The following CHN2 variants were observed in gnomAD, a reference collection of about 807,000 sequenced individuals.
The protein encoded by CHN2 is beta-chimaerin.
Under a neutral mutation model 56.3 loss-of-function variants are expected in CHN2, and 35 were observed. That is an observed-to-expected ratio of 0.62 (90% CI 0.47 to 0.82). The LOEUF (loss-of-function observed/expected upper bound fraction) is 0.82, where lower values mean the gene tolerates loss of function less well. CHN2 is among the 40% of genes least tolerant of loss of function. The pLI, the probability that CHN2 is intolerant of heterozygous loss-of-function variation, is 0.00. For missense variants in CHN2, 491 were observed against 580.5 expected (o/e 0.85, Z 1.58); for synonymous variants, 210 against 212.8 (o/e 0.99, Z 0.12).
At chr7:29,489,160 T>C (rs1462465780) in intron 7 of CHN2, among the ~76,000 whole-genome samples, 1 of 152,232 alleles carries the variant, frequency 6.6e-6, no homozygotes, top group African/African-American at 2.4e-5. Context: ...GGATGACTCT[T>C]CTTGCTCTTG....
At position 29,264,773 on chromosome 7, in the gene CHN2, C is replaced by A. The variant is rs1258577766; in HGVS notation, c.49+69783C>A. Among the ~76,000 whole-genome samples the A allele has an allele frequency of 6.0e-5, 9 of 151,004 alleles. 1 individual carries two copies. Among genetic ancestry groups the A allele is most frequent in the Non-Finnish European group, 8.8e-5 (6 of 67,896 alleles). The stretch of plus-strand genomic sequence containing the variant: ...CTATTGTCCTATGACCCTGCCAAGT[C>A]CCCCTCTCCGAGAGACACCCGGGGT... On this transcript the variant is annotated intron_variant, in intron 1 of 12. Transcript: ENST00000222792.
At chr7:29,297,705 C>T (rs74682948) in intron 1 of CHN2, among the ~76,000 whole-genome samples, 5,583 of 152,010 alleles carry the variant, frequency 0.037, 148 homozygotes, top group Middle Eastern at 0.085. Flanking sequence ...CTTCTGGGTT[C>T]CCTCCCCACC....
At chr7:29,512,178 A>AG (rs199935530) in intron 12 of CHN2, among the ~76,000 whole-genome samples, 8 of 143,368 alleles carry the variant, frequency 5.6e-5, no homozygotes, top group South Asian at 2.4e-4. Flanking sequence ...AAGCCACAAG[A>AG]GGGAAAAAAA....
chr7:29,398,131 C>A, intron 4 of CHN2: 1 of 324,458 alleles, frequency 3.1e-6, no homozygotes. Flanking sequence ...AAAGCAAAGA[C>A]AATAGCAGAA....
chr7:29,213,239 C>G (rs188581026), intron 1 of CHN2: 1 of 1,043,138 alleles, frequency 9.6e-7, no homozygotes, highest in East Asian at 2.4e-5. Flanking sequence ...TGATATTACT[C>G]AGTTTCACTC....
chr7:29,422,933 C>G (rs906780727), intron 6 of CHN2, among the ~76,000 whole-genome samples: 1 of 152,174 alleles, frequency 6.6e-6, no homozygotes, highest in East Asian at 1.9e-4. Context: ...GAAAAAGCTT[C>G]CATGTTTAGG....
intron 3 of CHN2, among the ~76,000 whole-genome samples, chr7:29,379,814 A>AT (rs1245533097): frequency 1.3e-5 from 2 of 152,216 alleles, no homozygotes; most frequent in Non-Finnish European, 2.9e-5. Context: ...ATGCTCAAGA[A>AT]TTTTTAATGT....
At chr7:29,406,948 CTT>C (rs1802702432) in intron 6 of CHN2, among the ~76,000 whole-genome samples, 1 of 152,178 alleles carries the variant, frequency 6.6e-6, no homozygotes, top group East Asian at 1.9e-4. Flanking sequence ...GGATGGGTGA[CTT>C]TTAAAATGTA....
At chr7:29,167,733 A>G (rs552087571) in intron 2 of CHN2, among the ~76,000 whole-genome samples, 1 of 152,334 alleles carries the variant, frequency 6.6e-6, no homozygotes, top group South Asian at 2.1e-4. Context: ...CATCTGTGAA[A>G]GTCATTTGTT....
intron 1 of CHN2, 27 bp from the exon 2 acceptor site, chr7:29,354,598 G>A: frequency 6.3e-7 from 1 of 1,584,734 alleles, no homozygotes; most frequent in East Asian, 2.2e-5. Flanking sequence ...GGCTGATGAT[G>A]GATTTCTTTT....
chr7:29,246,625 C>T lies in CHN2; in HGVS notation c.49+51635C>T, dbSNP rs112004448. The stretch of plus-strand genomic sequence containing the variant: ...AAAGGTAGCTCACATAACTTAAGTA[C>T]GTGTCTTAGTCCATTCAGACTGCTA... On this transcript the variant is annotated intron_variant, in intron 1 of 12. Transcript: ENST00000222792. Among the ~76,000 whole-genome samples the T allele has an allele frequency of 2.9e-3, 446 of 152,248 alleles. 2 individuals are homozygous for T. The highest frequency in any genetic ancestry group is 9.8e-3 in the African/African-American group (409 of 41,532).
At chr7:29,377,994 A>C (rs1365265748) in intron 3 of CHN2, among the ~76,000 whole-genome samples, 1 of 152,206 alleles carries the variant, frequency 6.6e-6, no homozygotes, top group Admixed American at 6.5e-5. Context: ...CGATTGTTTG[A>C]TGAATGTTCT....
chr7:29,451,124 C>T (rs879897760), intron 6 of CHN2, among the ~76,000 whole-genome samples: 15 of 152,066 alleles, frequency 9.9e-5, no homozygotes, highest in Non-Finnish European at 1.9e-4. Flanking sequence ...CAACGCACCC[C>T]CACCACCACC....
At chr7:29,390,722 C>A (rs942505475) in intron 3 of CHN2, among the ~76,000 whole-genome samples, 2 of 152,138 alleles carry the variant, frequency 1.3e-5, no homozygotes, top group African/African-American at 4.8e-5. Context: ...ACAGGTGGGT[C>A]CTGGTTTCCA....
intron 2 of CHN2, chr7:29,148,447 C>T (rs756488256): frequency 1.3e-5 from 2 of 152,198 alleles, no homozygotes; most frequent in African/African-American, 2.4e-5. Context: ...TAATTTAACA[C>T]TATTTATCTC....
chr7:29,409,402 CAT>C (rs932099514), intron 6 of CHN2, among the ~76,000 whole-genome samples: 11 of 152,140 alleles, frequency 7.2e-5, no homozygotes, highest in African/African-American at 2.7e-4. Context: ...GTATGAATAA[CAT>C]ATTTTTGTGA....
At chr7:29,367,400 A>C (rs569921334) in intron 2 of CHN2, among the ~76,000 whole-genome samples, 1 of 152,248 alleles carries the variant, frequency 6.6e-6, no homozygotes, top group South Asian at 2.1e-4. Flanking sequence ...AGACAGGGGG[A>C]AAATGGAGGG....
chr7:29,184,597 G>C (rs949914797), intron 2 of CHN2: 1 of 152,156 alleles, frequency 6.6e-6, no homozygotes, highest in Non-Finnish European at 1.5e-5. Flanking sequence ...CATCACAAGA[G>C]TTTTCTCTTA....
At chr7:29,315,702 C>T (rs1386047182) in intron 1 of CHN2, among the ~76,000 whole-genome samples, 3 of 152,096 alleles carry the variant, frequency 2.0e-5, no homozygotes, top group Admixed American at 1.3e-4. Context: ...AACTATTTCT[C>T]AACCTCTCAC....
Sources: allele counts gnomAD v4.1 joint callset (sites outside exome capture counted in the v4.1 genomes callset), GRCh38; gene constraint gnomAD v4.1.1; transcripts MANE v1.5; gene names NCBI Gene and HGNC (gene_info 2026-07-23, HGNC 2026-07-21).